Variants in DNAH9 observed in about 807,000 individuals in gnomAD.
DNAH9 encodes dynein axonemal heavy chain 9, also known as DNAH9 variant protein.
DNAH9 carries 345 observed loss-of-function variants against 471.6 expected under a neutral mutation model. The ratio of observed to expected loss-of-function variants is 0.73; its 90% CI spans 0.67 to 0.80. The LOEUF is 0.80. Among genes scored for constraint, DNAH9 ranks in the 30% least tolerant of loss-of-function variants. The pLI is 0.00. For missense variants in DNAH9, 5,407 were observed against 5,609.2 expected (o/e 0.96, Z 1.15); for synonymous variants, 2,093 against 2,123.6 (o/e 0.99, Z 0.40).
chr17:11,708,055 A>AGAGAGAGAGC (rs1567737214), intron 26 of DNAH9, among the ~76,000 whole-genome samples: 1 of 145,640 alleles, frequency 6.9e-6, no homozygotes, highest in East Asian at 2.0e-4. Context: ...AGAGAGAGAG[A>AGAGAGAGAGC]GCAGGTAACC....
chr17:11,812,172 A>G (rs1969952620), intron 45 of DNAH9, among the ~76,000 whole-genome samples: 1 of 150,606 alleles, frequency 6.6e-6, no homozygotes, highest in Non-Finnish European at 1.5e-5. Flanking sequence ...TGGCTCTTAA[A>G]CCAAATGCAG....
At chr17:11,844,089 A>T (rs1971131265) in intron 49 of DNAH9, among the ~76,000 whole-genome samples, 1 of 151,390 alleles carries the variant, frequency 6.6e-6, no homozygotes, top group Non-Finnish European at 1.5e-5. Flanking sequence ...TAAGAATAAT[A>T]AAGAAATAAA....
intron 29 of DNAH9, among the ~76,000 whole-genome samples, chr17:11,740,493 G>T (rs2075415939): frequency 6.6e-6 from 1 of 152,116 alleles, no homozygotes; most frequent in South Asian, 2.1e-4. Flanking sequence ...CTAGCTCTCT[G>T]GGTAGCGCTC....
chr17:11,624,457 C>T (rs569840969), intron 6 of DNAH9, among the ~76,000 whole-genome samples: 1 of 151,782 alleles, frequency 6.6e-6, no homozygotes, highest in African/African-American at 2.4e-5. Context: ...TGTAGTGAGC[C>T]GAGATCGTGC....
At position 11,756,604 on chromosome 17, in the gene DNAH9, A is replaced by G; in HGVS notation, c.6775A>G (p.Asn2259Asp). The change falls in exon 34 of 69, where the codon AAC becomes GAC. Residue 2259 changes from asparagine (N) to aspartate (D), a missense_variant. Around this residue, in one of 3 missense-constraint regions of DNAH9, gnomAD observed 4,636 missense variants for 4,900.3 expected, o/e 0.95. Transcript: ENST00000262442. ...TLASNERIPLNPTMKLLFEIS... is the reference protein window; with the variant it reads ...TLASNERIPLDPTMKLLFEIS... Reference sequence around the variant, plus strand: ...GGCCAGCAATGAGAGGATTCCTCTGAACCCCACCATGAAGCTCCTCTTTGA... The same window carrying G: ...GGCCAGCAATGAGAGGATTCCTCTGGACCCCACCATGAAGCTCCTCTTTGA... The G allele has an allele frequency of 6.2e-7, 1 of 1,613,870 alleles. No homozygotes were observed. Among genetic ancestry groups the G allele is most frequent in the Non-Finnish European group, 8.5e-7 (1 of 1,179,792 alleles).
intron 14 of DNAH9, among the ~76,000 whole-genome samples, chr17:11,660,841 GATA>G (rs2073747550): frequency 6.6e-6 from 1 of 152,104 alleles, no homozygotes; most frequent in Non-Finnish European, 1.5e-5. Flanking sequence ...TTGGAGACTT[GATA>G]ATAATGTTTA....
At position 11,623,404 on chromosome 17, in the gene DNAH9, T is replaced by G. The variant is rs1360535247; in HGVS notation, c.1350+3623T>G. On this transcript the variant is annotated intron_variant, in intron 6 of 68. Transcript: ENST00000262442. The surrounding 1 kb of genome is among the most constrained non-coding windows in gnomAD (Gnocchi z 4.1). ...ACTTCCCTGACCTCTTTGTTTGCCC[T>G]GAATTTCCATGTGTTTTCATCTTCC... Among the ~76,000 whole-genome samples the G allele has an allele frequency of 1.3e-5, 2 of 152,128 alleles. No individual in the cohort carries two copies. Among genetic ancestry groups the G allele is most frequent in the East Asian group, 1.9e-4 (1 of 5,196 alleles).
At chr17:11,763,885 G>A (rs1247567386) in intron 36 of DNAH9, among the ~76,000 whole-genome samples, 2 of 152,172 alleles carry the variant, frequency 1.3e-5, no homozygotes, top group African/African-American at 4.8e-5. Context: ...CTTATACAGT[G>A]TTTGAGTTTG....
chr17:11,818,817 A>G (rs927931445), intron 45 of DNAH9, among the ~76,000 whole-genome samples: 1 of 151,900 alleles, frequency 6.6e-6, no homozygotes, highest in Non-Finnish European at 1.5e-5. Context: ...TTTTTCATTG[A>G]GAAAACTGAT....
intron 61 of DNAH9, among the ~76,000 whole-genome samples, chr17:11,911,173 T>C (rs1301942103): frequency 6.6e-6 from 1 of 152,240 alleles, no homozygotes; most frequent in Non-Finnish European, 1.5e-5. Context: ...CTTTTTGTTA[T>C]TACATTTAGG....
intron 60 of DNAH9, among the ~76,000 whole-genome samples, chr17:11,905,245 AAG>A (rs937654868): frequency 2.0e-5 from 3 of 149,996 alleles, no homozygotes; most frequent in Non-Finnish European, 4.4e-5. Flanking sequence ...AAAAAAAAAA[AAG>A]AGAGAGAATA....
intron 26 of DNAH9, among the ~76,000 whole-genome samples, chr17:11,712,671 T>A (rs1440598981): frequency 6.6e-6 from 1 of 152,140 alleles, no homozygotes; most frequent in Non-Finnish European, 1.5e-5. Flanking sequence ...TTCTAATGAT[T>A]AATGATGTTG....
intron 61 of DNAH9, among the ~76,000 whole-genome samples, chr17:11,912,251 T>G (rs2151020346): frequency 6.6e-6 from 1 of 152,298 alleles, no homozygotes; most frequent in South Asian, 2.1e-4. Flanking sequence ...TCTCTTGACT[T>G]CGTGATCTGC....
At chr17:11,745,663 G>A (rs533141826) in intron 31 of DNAH9, among the ~76,000 whole-genome samples, 130 of 152,232 alleles carry the variant, frequency 8.5e-4, no homozygotes, top group African/African-American at 2.0e-3. Context: ...TATAATTAGC[G>A]TCTTTGAAGG....
At position 11,763,476 on chromosome 17, in the gene DNAH9, G is replaced by A. The variant is rs912399008; in HGVS notation, c.7032G>A (p.Met2344Ile). Residue 2344 changes from methionine (M) to isoleucine (I), a missense_variant, in exon 36 of 69, where the codon ATG becomes ATA. Met to Ile is a conservative substitution (Grantham distance 10). This residue lies in a region of DNAH9 where 4,636 missense variants were observed against 4,900.3 expected (regional missense o/e 0.95). Transcript: ENST00000262442. ...TCATTCCCATCCCAGAGCAGAGCAT[G>A]GTTCAGATGGTGTGTCACCTTCTGG... ...KKIIPIPEQS[M>I]VQMVCHLLEC... 6.2e-7 allele frequency: 1 copy of A among 1,614,144 alleles called. No homozygotes were observed. The highest frequency in any genetic ancestry group is 1.3e-5 in the African/African-American group (1 of 75,026).
rs148686895 is a variant in DNAH9, at chr17:11,834,051, G to A, written c.9247-587G>A. On this transcript the variant is annotated intron_variant, in intron 48 of 68. Transcript: ENST00000262442. ...GGCATCAGGGAGAAAGGTCAGGGCC[G>A]GGTGTGGTGGCTCATGCCTGTAATT... Among the ~76,000 whole-genome samples the A allele has an allele frequency of 6.0e-3, 912 of 151,872 alleles. 7 individuals are homozygous for A. The highest frequency in any genetic ancestry group is 0.021 in the African/African-American group (858 of 41,422).
At chr17:11,965,413 C>A (rs570820005) in intron 68 of DNAH9, among the ~76,000 whole-genome samples, 74 of 152,340 alleles carry the variant, frequency 4.9e-4, no homozygotes, top group African/African-American at 1.8e-3. Flanking sequence ...CAGGCCACTT[C>A]AGTGGCCATA....
intron 35 of DNAH9, among the ~76,000 whole-genome samples, chr17:11,758,493 T>A (rs181649655): frequency 1.9e-4 from 29 of 152,292 alleles, no homozygotes; most frequent in African/African-American, 6.7e-4. Flanking sequence ...CAGAGCCCCA[T>A]GAAGATGCCA....
chr17:11,681,012 C>G (rs1300868242), intron 19 of DNAH9, 123 bp downstream of exon 19: 6 of 914,948 alleles, frequency 6.6e-6, no homozygotes, highest in Non-Finnish European at 9.8e-6. Flanking sequence ...ATCTTCCTTC[C>G]CATTTAGGAC....
Sources: gnomAD v4.1 joint callset for allele counts (sites outside exome capture counted in the v4.1 genomes callset) on GRCh38, gnomAD v4.1.1 for gene constraint, gnomAD v4.1.1 regional missense constraint, Gnocchi (gnomAD v3.1) non-coding constraint, MANE v1.5 for transcripts, NCBI Gene and HGNC (gene_info 2026-07-23, HGNC 2026-07-21) for gene names.